VCAN: variants seen among roughly 807,000 people sequenced by gnomAD.
The protein encoded by VCAN is versican core protein.
Under a neutral mutation model 245.5 loss-of-function variants are expected in VCAN, and 44 were observed. The observed-to-expected ratio is 0.18, with a 90% CI of 0.14 to 0.23. The LOEUF (loss-of-function observed/expected upper bound fraction) is 0.23. Ranked by LOEUF, VCAN falls within the 10% of genes least tolerant of loss-of-function variation. VCAN has a pLI of 1.00. For synonymous variants in VCAN, 1,413 were observed against 1,437.0 expected, an observed-to-expected ratio of 0.98 and a Z score of 0.38; for missense variants, 3,793 against 4,057.9, an observed-to-expected ratio of 0.93 and a Z score of 1.77.
chr5:83,580,690 G>T lies in VCAN; in HGVS notation c.*256G>T. The T allele has an allele frequency of 2.1e-6, 1 of 476,784 alleles. No homozygotes were observed. The highest frequency in any genetic ancestry group is 2.0e-5 in the South Asian group (1 of 49,068). The allele number at this position is 476,784 out of a possible 1,614,324, so 29.5% of individuals were successfully genotyped here. On this transcript the variant is annotated 3_prime_UTR_variant, in exon 15 of 15. Transcript: ENST00000265077. ...ATCTAATTTCTTTAGTTTTCTATTT[G>T]CCTCCAGTGCAGTCCATTTCCTAAT...
At chr5:83,517,839 A>G (rs1282428844) in intron 6 of VCAN, among the ~76,000 whole-genome samples, 1 of 152,232 alleles carries the variant, frequency 6.6e-6, no homozygotes, top group African/African-American at 2.4e-5. Context: ...AATGTTCATG[A>G]TAAAATCAGT....
In VCAN at chr5:83,580,615, A is replaced by G. The variant is rs1748641384; in HGVS notation, c.*181A>G. 11 of 866,606 alleles carry G rather than the reference A, an allele frequency of 1.3e-5. No homozygotes were observed. The South Asian group carries it at 1.7e-4, about 13-fold the overall frequency. The allele number at this position is 866,606 out of a possible 1,614,324, so 53.7% of individuals were successfully genotyped here. A position where few individuals can be genotyped will look rare whatever the true frequency, so the allele number is the denominator to read the frequency against. On this transcript the variant is annotated 3_prime_UTR_variant, in exon 15 of 15. Transcript: ENST00000265077. The stretch of plus-strand genomic sequence containing the variant: ...TGAAAGTATTGGCATTCAAAAAGAC[A>G]GCAGACAAAATGAAAGAAAATGAGA...
At chr5:83,578,888 AGT>A (rs1360644871) in intron 13 of VCAN, among the ~76,000 whole-genome samples, 3 of 152,156 alleles carry the variant, frequency 2.0e-5, no homozygotes, top group East Asian at 1.9e-4. Context: ...ATTTAAAATA[AGT>A]GTGCTAATGT....
chr5:83,479,118 A>C (rs543773684), intron 1 of VCAN, among the ~76,000 whole-genome samples: 101 of 152,244 alleles, frequency 6.6e-4, no homozygotes, highest in African/African-American at 2.4e-3. Context: ...TCTGCTGTAC[A>C]ATGATTCTTT....
chr5:83,491,307 T>G (rs1215083304), intron 3 of VCAN, among the ~76,000 whole-genome samples: 1 of 152,214 alleles, frequency 6.6e-6, no homozygotes, highest in Non-Finnish European at 1.5e-5. Flanking sequence ...CAGATTTTCT[T>G]CCAATCCTCC....
rs764893361 is a variant in VCAN at position 83,522,127 on chromosome 5, A to G, written c.3821A>G (p.Asp1274Gly). Residue 1274 changes from aspartate to glycine, a missense_variant, in exon 7 of 15, where the codon GAT becomes GGT. Physicochemically the swap from Asp to Gly is moderately conservative, Grantham distance 94 (BLOSUM62 -1). This residue lies in a region of VCAN where 3,182 missense variants were observed against 3,250.3 expected (regional missense o/e 0.98). Transcript: ENST00000265077. ...EDIVAKETET[D>G]IDREYFTTSS... The stretch of plus-strand genomic sequence containing the variant: ...ATTGTAGCCAAGGAAACAGAAACCG[A>G]TATTGATAGAGAGTATTTCACGACT... 6.2e-7 allele frequency: 1 copy of G among 1,613,846 alleles called. No individual in the cohort carries two copies. The highest frequency in any genetic ancestry group is 8.5e-7 in the Non-Finnish European group (1 of 1,180,016).
At chr5:83,523,369 G>A (rs1175628463) in intron 7 of VCAN, among the ~76,000 whole-genome samples, 1 of 146,458 alleles carries the variant, frequency 6.8e-6, no homozygotes, top group Non-Finnish European at 1.5e-5. Flanking sequence ...AGTATTCGTT[G>A]TTTTCTTGAC....
At chr5:83,491,159 A>G (rs1744968755) in intron 3 of VCAN, among the ~76,000 whole-genome samples, 1 of 152,148 alleles carries the variant, frequency 6.6e-6, no homozygotes, top group Non-Finnish European at 1.5e-5. Context: ...GGTGGTTTAT[A>G]TGTCATTTGA....
chr5:83,505,876 C>G (rs1437866702), intron 5 of VCAN, among the ~76,000 whole-genome samples: 2 of 152,244 alleles, frequency 1.3e-5, no homozygotes, highest in Non-Finnish European at 2.9e-5. Context: ...TTCTTGACTT[C>G]TGTGCACCCA....
chr5:83,568,882 T>TTA (rs199643809), intron 12 of VCAN, among the ~76,000 whole-genome samples: 238 of 152,262 alleles, frequency 1.6e-3, no homozygotes, highest in Non-Finnish European at 2.7e-3. Context: ...TTTTGGTCTT[T>TTA]TATATACACA....
At chr5:83,525,619 A>G (rs962228567) in intron 7 of VCAN, among the ~76,000 whole-genome samples, 3 of 152,156 alleles carry the variant, frequency 2.0e-5, no homozygotes, top group East Asian at 3.9e-4. Context: ...ATTCATATAT[A>G]CTACTTATTA....
intron 7 of VCAN, among the ~76,000 whole-genome samples, chr5:83,526,097 GC>G (rs1226901645): frequency 1.1e-4 from 16 of 151,904 alleles, no homozygotes; most frequent in Admixed American, 9.8e-4. Context: ...CTGCCACCAT[GC>G]CTGGCGAATT....
At chr5:83,483,733 G>A in intron 2 of VCAN, 145 bp downstream of exon 2, 8 of 768,122 alleles carry the variant, frequency 1.0e-5, no homozygotes, top group South Asian at 3.3e-5. Context: ...AAATATTATT[G>A]GACCAAAAAC....
chr5:83,578,161 A>C (rs1172268281), intron 13 of VCAN, among the ~76,000 whole-genome samples: 1 of 152,170 alleles, frequency 6.6e-6, no homozygotes, highest in Non-Finnish European at 1.5e-5. Flanking sequence ...ATAAAAAGGA[A>C]TGAGATCATG....
chr5:83,563,017 A>G (rs1354393870), intron 12 of VCAN, among the ~76,000 whole-genome samples: 1 of 152,146 alleles, frequency 6.6e-6, no homozygotes, highest in Non-Finnish European at 1.5e-5. Flanking sequence ...GCATATTGCC[A>G]CTTTAACAAC....
At chr5:83,515,515 C>A (rs534529959) in intron 6 of VCAN, among the ~76,000 whole-genome samples, 79 of 152,284 alleles carry the variant, frequency 5.2e-4, no homozygotes, top group African/African-American at 1.9e-3. Flanking sequence ...GAATAACAGC[C>A]ATTTCTATTG....
At chr5:83,547,640 T>G (rs1747284854) in intron 9 of VCAN, among the ~76,000 whole-genome samples, 1 of 152,108 alleles carries the variant, frequency 6.6e-6, no homozygotes, top group Non-Finnish European at 1.5e-5. Context: ...CTTCATTCGT[T>G]TTAGGGCTTA....
At position 83,520,595 on chromosome 5, in the gene VCAN, A is replaced by G. The variant is rs1457424770; in HGVS notation, c.2289A>G (p.Val763=). The G allele has an allele frequency of 3.1e-6, 5 of 1,613,936 alleles. No individual in the cohort carries two copies. The highest frequency in any genetic ancestry group is 4.2e-6 in the Non-Finnish European group (5 of 1,179,998). Residue 763 remains valine (V), a synonymous_variant, in exon 7 of 15, where the codon GTA becomes GTG. Transcript: ENST00000265077. ...AGTTAAGTGCAGAGCCAACAGAAGTAAGAGATATGGAGGAAGACTTTACAG... is the reference window on the plus strand; with the variant it reads ...AGTTAAGTGCAGAGCCAACAGAAGTGAGAGATATGGAGGAAGACTTTACAG... ...ITKLSAEPTE[V]RDMEEDFTAT...
chr5:83,527,411 GC>G (rs1358189509), intron 7 of VCAN, among the ~76,000 whole-genome samples: 45 of 152,280 alleles, frequency 3.0e-4, no homozygotes, highest in African/African-American at 1.1e-3. Context: ...ACATTTTTCT[GC>G]AGATAATTAG....
Sources: gnomAD v4.1 joint callset for allele counts (sites outside exome capture counted in the v4.1 genomes callset) on GRCh38, gnomAD v4.1.1 for gene constraint, gnomAD v4.1.1 regional missense constraint, MANE v1.5 for transcripts, NCBI Gene and HGNC (gene_info 2026-07-23, HGNC 2026-07-21) for gene names.